Variants in OR4S2 observed in about 807,000 individuals in gnomAD.
OR4S2 encodes olfactory receptor 4S2.
OR4S2 carries 16 observed loss-of-function variants against 15.1 expected under a neutral mutation model. That is an observed-to-expected ratio of 1.06 (90% CI 0.72 to 1.61). OR4S2 has a LOEUF of 1.61. Ranked by LOEUF, OR4S2 falls within the 40% of genes most tolerant of loss-of-function variation. The probability of loss-of-function intolerance (pLI) is 0.00; values close to 1 mark genes in which losing one functional copy is unlikely to be tolerated. For missense variants in OR4S2, 362 were observed against 379.6 expected (o/e 0.95, Z 0.38); for synonymous variants, 133 against 136.3 (o/e 0.98, Z 0.17).
Position 55,651,939 on chromosome 11 carries a change from G to C in OR4S2, c.*100G>C. 1 of 556,142 alleles carries C rather than the reference G, an allele frequency of 1.8e-6. No individual in the cohort carries two copies. The highest frequency in any genetic ancestry group is 3.3e-5 in the Admixed American group (1 of 30,296). The allele number at this position is 556,142 out of a possible 1,614,324, so 34.5% of individuals were successfully genotyped here. ...ATAACAACCTCATGGGATTTGGAGT[G>C]GAAAAATGAGACAATAACACATTCA... On this transcript the variant is annotated 3_prime_UTR_variant, in exon 2 of 2. Coordinates refer to ENST00000641692, the MANE Select transcript of OR4S2 (RefSeq NM_001004059.3).
In OR4S2 at chr11:55,651,435, G is replaced by T; in HGVS notation, c.532G>T (p.Asp178Tyr). 6.7e-7 allele frequency: 1 copy of T among 1,491,424 alleles called. No individual in the cohort carries two copies. Among genetic ancestry groups the T allele is most frequent in the Non-Finnish European group, 9.1e-7 (1 of 1,095,988 alleles). The allele number at this position is 1,491,424 out of a possible 1,614,324, so 92.4% of individuals were successfully genotyped here. A position where few individuals can be genotyped will look rare whatever the true frequency, so the allele number is the denominator to read the frequency against. Residue 178 changes from aspartate (D) to tyrosine (Y), a missense_variant, in exon 2 of 2, where the codon GAT (aspartate) becomes TAT (tyrosine). By Grantham distance (160) the Asp-to-Tyr change is radical. Coordinates refer to ENST00000641692, the MANE Select transcript of OR4S2 (RefSeq NM_001004059.3). ...CAATGAGATAGATCACTACTTTTGTGATGTTCACCCTGTGTTGAAACTTGC... is the reference window on the plus strand; with the variant it reads ...CAATGAGATAGATCACTACTTTTGTTATGTTCACCCTGTGTTGAAACTTGC... ...GPNEIDHYFCDVHPVLKLACT... is the reference protein window; with the variant it reads ...GPNEIDHYFCYVHPVLKLACT...
rs372693146 is a variant in OR4S2 at position 55,651,850 on chromosome 11, T to C, written c.*11T>C. On this transcript the variant is annotated 3_prime_UTR_variant, in exon 2 of 2. Transcript: ENST00000641692. ...GCTAAAGGGAAATAGTTGGACTTAA[T>C]AATTTAAGCTAGATGACCTTAAAAT... 8 of 1,266,566 alleles carry C rather than the reference T, an allele frequency of 6.3e-6. 3 individuals are homozygous for C. The East Asian group carries it at 1.1e-4, about 17-fold the overall frequency. 78.5% of individuals were successfully genotyped at this position (1,266,566 alleles called of 1,614,324 possible). A position where few individuals can be genotyped will look rare whatever the true frequency, so the allele number is the denominator to read the frequency against.
Position 55,651,026 on chromosome 11 carries a change from C to A in OR4S2, c.123C>A (p.Leu41=). 6.8e-7 allele frequency: 1 copy of A among 1,463,280 alleles called. No individual in the cohort carries two copies. The highest frequency in any genetic ancestry group is 1.2e-5 in the South Asian group (1 of 84,310). The allele number at this position is 1,463,280 out of a possible 1,614,324, so 90.6% of individuals were successfully genotyped here. The change falls in exon 2 of 2, where the codon CTC becomes CTA. Residue 41 remains leucine (L), a synonymous_variant. Transcript: ENST00000641692. ...FFYIIILLGN[L]LIMLTVCLSN... ...ACATAATCATTCTTCTGGGAAATCT[C>A]CTCATCATGCTGACAGTTTGCCTGA...
At chr11:55,650,699 C>T (rs888131839) in intron 1 of OR4S2, among the ~76,000 whole-genome samples, 169 bp from the exon 2 acceptor site, 6 of 138,410 alleles carry the variant, frequency 4.3e-5, no homozygotes, top group African/African-American at 1.5e-4. Flanking sequence ...CTGAAGTGAA[C>T]GAATGTGATC....
chr11:55,650,303 A>T (rs1293072401), intron 1 of OR4S2, among the ~76,000 whole-genome samples: 3 of 138,696 alleles, frequency 2.2e-5, no homozygotes, highest in African/African-American at 7.5e-5. Flanking sequence ...TGCATACATC[A>T]TGTGCACAAA....
rs879587466 is a variant in OR4S2, at chr11:55,652,643, C to T, written c.*804C>T. On this transcript the variant is annotated 3_prime_UTR_variant, in exon 2 of 2. Coordinates refer to ENST00000641692, the MANE Select transcript of OR4S2 (RefSeq NM_001004059.3). ...TAATACAATGTATGTTTCACTCCTACATTCTGTAGAATCGTATGCTACAAG... is the reference window on the plus strand; with the variant it reads ...TAATACAATGTATGTTTCACTCCTATATTCTGTAGAATCGTATGCTACAAG... The T allele has an allele frequency of 3.6e-5, 5 of 139,466 alleles. 1 individual carries two copies. Among genetic ancestry groups the T allele is most frequent in the Admixed American group, 2.3e-4 (3 of 12,968 alleles). The allele number at this position is 139,466 out of a possible 1,614,324, so 8.6% of individuals were successfully genotyped here. A position where few individuals can be genotyped will look rare whatever the true frequency, so the allele number is the denominator to read the frequency against.
In OR4S2 at chr11:55,652,543, T is replaced by C. The variant is rs1858582641; in HGVS notation, c.*704T>C. 1 of 139,254 alleles carries C rather than the reference T, an allele frequency of 7.2e-6. No individual in the cohort carries two copies. Among genetic ancestry groups the C allele is most frequent in the Non-Finnish European group, 1.6e-5 (1 of 62,526 alleles). The allele number at this position is 139,254 out of a possible 1,614,324, so 8.6% of individuals were successfully genotyped here. A position where few individuals can be genotyped will look rare whatever the true frequency, so the allele number is the denominator to read the frequency against. On this transcript the variant is annotated 3_prime_UTR_variant, in exon 2 of 2. Coordinates refer to ENST00000641692, the MANE Select transcript of OR4S2 (RefSeq NM_001004059.3). ...CTTTCAAAAGAATAAACCTCCAATC[T>C]TTTGTGAAGTAATATAGAGGAATTC...
In OR4S2 at chr11:55,651,831, G is replaced by T; in HGVS notation, c.928G>T (p.Gly310Trp). ...CAGAAATGTTTTCTTGGAGGCTAAAGGGAAATAGTTGGACTTAATAATTTA... is the reference window on the plus strand; with the variant it reads ...CAGAAATGTTTTCTTGGAGGCTAAATGGAAATAGTTGGACTTAATAATTTA... ...WGRNVFLEAK[G>W]K The change falls in exon 2 of 2, where the codon GGG (glycine) becomes TGG (tryptophan). Residue 310 changes from glycine (G) to tryptophan (W), a missense_variant. Transcript: ENST00000641692. 1.4e-6 allele frequency: 2 copies of T among 1,379,376 alleles called. No individual in the cohort carries two copies. Among genetic ancestry groups the T allele is most frequent in the South Asian group, 2.5e-5 (2 of 79,978 alleles). 85.4% of individuals were successfully genotyped at this position (1,379,376 alleles called of 1,614,324 possible).
rs1257258205 is a variant in OR4S2, at chr11:55,652,665, C to A, written c.*826C>A. ...CTACATTCTGTAGAATCGTATGCTACAAGCATTTAGCATCTCAGGAGTTTT... is the reference window on the plus strand; with the variant it reads ...CTACATTCTGTAGAATCGTATGCTAAAAGCATTTAGCATCTCAGGAGTTTT... On this transcript the variant is annotated 3_prime_UTR_variant, in exon 2 of 2. Coordinates refer to ENST00000641692, the MANE Select transcript of OR4S2 (RefSeq NM_001004059.3). 2.9e-5 allele frequency: 4 copies of A among 139,360 alleles called. 1 individual carries two copies. The highest frequency in any genetic ancestry group is 1.5e-4 in the Admixed American group (2 of 12,938). The allele number at this position is 139,360 out of a possible 1,614,324, so 8.6% of individuals were successfully genotyped here. A position where few individuals can be genotyped will look rare whatever the true frequency, so the allele number is the denominator to read the frequency against.
In OR4S2 at chr11:55,651,127, C is replaced by A; in HGVS notation, c.224C>A (p.Thr75Lys). Reference sequence around the variant, plus strand: ...GTGGACATTTGTTACTCTTCAGTCACAGCTCCCAAGATGATTGTTGACCTG... The same window carrying A: ...GTGGACATTTGTTACTCTTCAGTCAAAGCTCCCAAGATGATTGTTGACCTG... ...SFVDICYSSV[T>K]APKMIVDLLA... Residue 75 changes from threonine (T) to lysine (K), a missense_variant, in exon 2 of 2, where the codon ACA becomes AAA. Thr to Lys is a moderately conservative substitution (Grantham distance 78). Transcript: ENST00000641692. The A allele has an allele frequency of 1.4e-6, 2 of 1,472,788 alleles. No individual in the cohort carries two copies. The highest frequency in any genetic ancestry group is 2.8e-5 in the African/African-American group (2 of 72,612). 91.2% of individuals were successfully genotyped at this position (1,472,788 alleles called of 1,614,324 possible). A position where few individuals can be genotyped will look rare whatever the true frequency, so the allele number is the denominator to read the frequency against.
Position 55,650,925 on chromosome 11 carries a change from A to T in OR4S2, c.22A>T (p.Thr8Ser). The change falls in exon 2 of 2, where the codon ACT (threonine) becomes TCT (serine). Residue 8 changes from threonine to serine, a missense_variant. Transcript: ENST00000641692. Reference sequence around the variant, plus strand: ...TTCCATGGAAAAAATAAACAACGTAACTGAATTCATTTTCTGGGGTCTTTC... The same window carrying T: ...TTCCATGGAAAAAATAAACAACGTATCTGAATTCATTTTCTGGGGTCTTTC... MEKINNV[T>S]EFIFWGLSQS... 7.0e-7 allele frequency: 1 copy of T among 1,427,710 alleles called. No individual in the cohort carries two copies. The highest frequency in any genetic ancestry group is 9.6e-7 in the Non-Finnish European group (1 of 1,041,658). The allele number at this position is 1,427,710 out of a possible 1,614,324, so 88.4% of individuals were successfully genotyped here. A position where few individuals can be genotyped will look rare whatever the true frequency, so the allele number is the denominator to read the frequency against.
rs1248941536 is a variant in OR4S2, at chr11:55,648,889, G to A, written c.-37+339G>A. 9.4e-5 allele frequency among the ~76,000 whole-genome samples: 13 copies of A among 137,916 alleles called. 4 individuals are homozygous for A. Among genetic ancestry groups the A allele is most frequent in the Non-Finnish European group, 1.6e-4 (10 of 62,002 alleles). 90.5% of individuals were successfully genotyped at this position (137,916 alleles called of 152,430 possible). A position where few individuals can be genotyped will look rare whatever the true frequency, so the allele number is the denominator to read the frequency against. On this transcript the variant is annotated intron_variant, in intron 1 of 1. Transcript: ENST00000641692. ...ATGTTACTGCATCAGTTGGAGTCAAGAGAGGCCATGATTCAGAAGGTTAAC... is the reference window on the plus strand; with the variant it reads ...ATGTTACTGCATCAGTTGGAGTCAAAAGAGGCCATGATTCAGAAGGTTAAC...
chr11:55,650,017 C>T (rs1206230361), intron 1 of OR4S2, among the ~76,000 whole-genome samples: 1 of 138,860 alleles, frequency 7.2e-6, no homozygotes, highest in Non-Finnish European at 1.6e-5. Context: ...TATTGCTTTA[C>T]CTTATTTCTG....
In OR4S2 at chr11:55,651,699, G is replaced by A. The variant is rs772954944; in HGVS notation, c.796G>A (p.Asp266Asn). ...YMRPDTTFSE[D>N]KMVAVFYTII... ...GCGCCCTGATACGACCTTTTCAGAG[G>A]ATAAGATGGTGGCTGTATTTTACAC... The change falls in exon 2 of 2, where the codon GAT becomes AAT. Residue 266 changes from aspartate to asparagine, a missense_variant. Coordinates refer to ENST00000641692, the MANE Select transcript of OR4S2 (RefSeq NM_001004059.3). 8.1e-6 allele frequency: 12 copies of A among 1,484,528 alleles called. 2 individuals are homozygous for A. In the South Asian group the frequency reaches 1.4e-4, roughly 18 times the overall value. 92.0% of individuals were successfully genotyped at this position (1,484,528 alleles called of 1,614,324 possible). A position where few individuals can be genotyped will look rare whatever the true frequency, so the allele number is the denominator to read the frequency against.
rs1379163310 is a variant in OR4S2 at position 55,651,822 on chromosome 11, G to A, written c.919G>A (p.Glu307Lys). ...ACTGTGGGGCAGAAATGTTTTCTTG[G>A]AGGCTAAAGGGAAATAGTTGGACTT... Reference protein sequence around the residue: ...KKLWGRNVFLEAKGK With the variant: ...KKLWGRNVFLKAKGK Residue 307 changes from glutamate (E) to lysine (K), a missense_variant, in exon 2 of 2, where the codon GAG (glutamate) becomes AAG (lysine). Glu to Lys is a moderately conservative substitution (Grantham distance 56). Transcript: ENST00000641692. 1 of 1,405,860 alleles carries A rather than the reference G, an allele frequency of 7.1e-7. No homozygotes were observed. The highest frequency in any genetic ancestry group is 9.8e-7 in the Non-Finnish European group (1 of 1,025,430). The allele number at this position is 1,405,860 out of a possible 1,614,324, so 87.1% of individuals were successfully genotyped here. A position where few individuals can be genotyped will look rare whatever the true frequency, so the allele number is the denominator to read the frequency against.
At position 55,651,592 on chromosome 11, in the gene OR4S2, G is replaced by C; in HGVS notation, c.689G>C (p.Gly230Ala). The C allele has an allele frequency of 1.3e-6, 2 of 1,490,110 alleles. No homozygotes were observed. Among genetic ancestry groups the C allele is most frequent in the Non-Finnish European group, 1.8e-6 (2 of 1,095,164 alleles). The allele number at this position is 1,490,110 out of a possible 1,614,324, so 92.3% of individuals were successfully genotyped here. A position where few individuals can be genotyped will look rare whatever the true frequency, so the allele number is the denominator to read the frequency against. Residue 230 changes from glycine to alanine, a missense_variant, in exon 2 of 2, where the codon GGC (glycine) becomes GCC (alanine). Coordinates refer to ENST00000641692, the MANE Select transcript of OR4S2 (RefSeq NM_001004059.3). ...LVSLRKQSAEGRRKALSTCGS... is the reference protein window; with the variant it reads ...LVSLRKQSAEARRKALSTCGS... Reference sequence around the variant, plus strand: ...TCCCTGAGAAAGCAGTCAGCAGAAGGCAGGCGCAAAGCCCTCTCCACCTGT... The same window carrying C: ...TCCCTGAGAAAGCAGTCAGCAGAAGCCAGGCGCAAAGCCCTCTCCACCTGT...
chr11:55,651,637 T>C lies in OR4S2; in HGVS notation c.734T>C (p.Val245Ala). The change falls in exon 2 of 2, where the codon GTC becomes GCC. Residue 245 changes from valine (V) to alanine (A), a missense_variant. Transcript: ENST00000641692. The stretch of plus-strand genomic sequence containing the variant: ...ACCTGTGGCTCCCACATTGCCATGG[T>C]CGTTATCTTTTTCGGCCCCTGTACT... ...LSTCGSHIAM[V>A]VIFFGPCTFM... 2 of 1,491,888 alleles carry C rather than the reference T, an allele frequency of 1.3e-6. 1 individual carries two copies. Among genetic ancestry groups the C allele is most frequent in the Non-Finnish European group, 1.8e-6 (2 of 1,096,880 alleles). The allele number at this position is 1,491,888 out of a possible 1,614,324, so 92.4% of individuals were successfully genotyped here.
rs1461508510 is a variant in OR4S2 at position 55,651,802 on chromosome 11, G to A, written c.899G>A (p.Trp300Ter). ...AEVKNAMKKL[W>*]GRNVFLEAKG... ...GTAAAGAATGCAATGAAGAAACTGT[G>A]GGGCAGAAATGTTTTCTTGGAGGCT... Residue 300 changes from tryptophan to a stop codon, truncating the protein, a stop_gained, in exon 2 of 2, where the codon TGG becomes TAG. Coordinates refer to ENST00000641692, the MANE Select transcript of OR4S2 (RefSeq NM_001004059.3). LOFTEE classifies it high-confidence loss of function. 2 of 1,450,314 alleles carry A rather than the reference G, an allele frequency of 1.4e-6. 1 individual carries two copies. Among genetic ancestry groups the A allele is most frequent in the Non-Finnish European group, 1.9e-6 (2 of 1,063,096 alleles). The allele number at this position is 1,450,314 out of a possible 1,614,324, so 89.8% of individuals were successfully genotyped here.
rs1858577750 is a variant in OR4S2 at position 55,652,130 on chromosome 11, C to A, written c.*291C>A. On this transcript the variant is annotated 3_prime_UTR_variant, in exon 2 of 2. Coordinates refer to ENST00000641692, the MANE Select transcript of OR4S2 (RefSeq NM_001004059.3). ...TCCTTTGAGGACAGATTTCTATTAC[C>A]CTACCTTGCTATTCACTGGTTTTAT... 1.1e-5 allele frequency: 2 copies of A among 182,878 alleles called. 1 individual carries two copies. Among genetic ancestry groups the A allele is most frequent in the African/African-American group, 4.8e-5 (2 of 41,968 alleles). The allele number at this position is 182,878 out of a possible 1,614,324, so 11.3% of individuals were successfully genotyped here.
Sources: allele counts gnomAD v4.1 joint callset (sites outside exome capture counted in the v4.1 genomes callset), GRCh38; gene constraint gnomAD v4.1.1; transcripts MANE v1.5; gene names NCBI Gene and HGNC (gene_info 2026-07-23, HGNC 2026-07-21).